Variants in PHF23 observed in about 807,000 individuals in gnomAD.
The protein encoded by PHF23 is PDH-containing protein JUNE-1.
A neutral mutation model predicts 36.0 loss-of-function variants in PHF23; 3 were observed. The observed-to-expected ratio is 0.08, with a 90% CI of 0.04 to 0.22. The LOEUF is 0.22. Among genes scored for constraint, PHF23 ranks in the 10% least tolerant of loss-of-function variants. PHF23 has a pLI of 1.00. For synonymous variants in PHF23, 242 were observed against 192.5 expected (o/e 1.26, Z -2.13); for missense variants, 475 against 513.6 (o/e 0.92, Z 0.73).
chr17:7,237,308 A>G, intron 3 of PHF23, 77 bp downstream of exon 3: 1 of 1,274,444 alleles, frequency 7.8e-7, no homozygotes, highest in Non-Finnish European at 1.1e-6. Flanking sequence ...CTATAAAGCA[A>G]TACAGTTCTG....
At position 7,236,856 on chromosome 17, in the gene PHF23, T is replaced by A; in HGVS notation, c.160-89A>T. 6.7e-7 allele frequency: 1 copy of A among 1,499,768 alleles called. No homozygotes were observed. The allele number at this position is 1,499,768 out of a possible 1,614,324, so 92.9% of individuals were successfully genotyped here. ...CCAGCTTGAAAAGGAGTGACTGGAT[T>A]TACCCCAAAATGTCCTACCTCAACC... On this transcript the variant is annotated intron_variant, in intron 3 of 4. Coordinates refer to ENST00000320316, the MANE Select transcript of PHF23 (RefSeq NM_024297.3). The surrounding 1 kb of genome is among the most constrained non-coding windows in gnomAD (Gnocchi z 5.1).
chr17:7,235,743 G>A lies in PHF23; in HGVS notation c.1095C>T (p.Leu365=), dbSNP rs542484278. Residue 365 remains leucine (L), a synonymous_variant, in exon 5 of 5, where the codon CTC becomes CTT. Coordinates refer to ENST00000320316, the MANE Select transcript of PHF23 (RefSeq NM_024297.3). ...TGGTCTTCTTAATCTTAGCACAGGA[G>A]AGGTGGATCCACGTCCCACACAGGC... ...ECSLCGTWIH[L]SCAKIKKTNV... The A allele has an allele frequency of 1.1e-5, 17 of 1,614,108 alleles. No homozygotes were observed. The East Asian group carries it at 3.6e-4, about 34-fold the overall frequency.
In PHF23 at chr17:7,239,385, C is replaced by A; in HGVS notation, c.-106G>T. On this transcript the variant is annotated 5_prime_UTR_variant, in exon 1 of 5. Coordinates refer to ENST00000320316, the MANE Select transcript of PHF23 (RefSeq NM_024297.3). The stretch of plus-strand genomic sequence containing the variant: ...CCACTGCTTCGCTCCACAGAAGTGT[C>A]CGCCTCAGCCCGGTTGAGACTCGAG... 1.7e-6 allele frequency: 1 copy of A among 587,600 alleles called. No individual in the cohort carries two copies. Among genetic ancestry groups the A allele is most frequent in the Non-Finnish European group, 3.1e-6 (1 of 326,016 alleles). 36.4% of individuals were successfully genotyped at this position (587,600 alleles called of 1,614,324 possible).
chr17:7,235,756 G>A lies in PHF23; in HGVS notation c.1082C>T (p.Thr361Met), dbSNP rs1194327212. The A allele has an allele frequency of 3.1e-6, 5 of 1,613,982 alleles. No individual in the cohort carries two copies. Among genetic ancestry groups the A allele is most frequent in the Non-Finnish European group, 4.2e-6 (5 of 1,180,040 alleles). The part of the protein sequence containing the change: ...RPMIECSLCG[T>M]WIHLSCAKIK... Reference sequence around the variant, plus strand: ...CTTAGCACAGGAGAGGTGGATCCACGTCCCACACAGGCTGCACTCAATCAT... The same window carrying A: ...CTTAGCACAGGAGAGGTGGATCCACATCCCACACAGGCTGCACTCAATCAT... The change falls in exon 5 of 5, where the codon ACG becomes ATG. Residue 361 changes from threonine to methionine, a missense_variant. Physicochemically the swap from Thr to Met is moderately conservative, Grantham distance 81. Coordinates refer to ENST00000320316, the MANE Select transcript of PHF23 (RefSeq NM_024297.3).
chr17:7,239,466 G>A, upstream of PHF23: 2 of 411,164 alleles, frequency 4.9e-6, no homozygotes, highest in South Asian at 3.1e-5. Flanking sequence ...CTCCCGGACC[G>A]GGCCCCCTCC....
intron 1 of PHF23, chr17:7,238,285 G>GCCC (rs72082691): frequency 3.7e-4 from 13 of 34,672 alleles, no homozygotes; most frequent in Non-Finnish European, 4.2e-4. Flanking sequence ...GCCCCCACCT[G>GCCC]CCCCCCCCCC....
chr17:7,238,608 AC>A (rs1338227360), intron 1 of PHF23: 57 of 376,518 alleles, frequency 1.5e-4, no homozygotes, highest in East Asian at 4.5e-4. Context: ...GACCAACCCT[AC>A]CCCCCCGCCC....
At chr17:7,238,964 A>C (rs1391327191) in intron 1 of PHF23, 1 of 1,484,370 alleles carries the variant, frequency 6.7e-7, no homozygotes, top group African/African-American at 1.4e-5. Flanking sequence ...CAGGGCCCCA[A>C]TCTGCCGGTG....
In PHF23 at chr17:7,235,835, C is replaced by A; in HGVS notation, c.1003G>T (p.Asp335Tyr). ...DEDIMVESGDDSWDLITCYCR... is the reference protein window; with the variant it reads ...DEDIMVESGDYSWDLITCYCR... ...TAACATGTGATCAGATCCCATGAGT[C>A]ATCACCTGGGGAAAAAAAGGTTTGT... The change falls in exon 5 of 5, where the codon GAC (aspartate) becomes TAC (tyrosine). Residue 335 changes from aspartate (D) to tyrosine (Y), a missense_variant. Physicochemically the swap from Asp to Tyr is radical, Grantham distance 160. Coordinates refer to ENST00000320316, the MANE Select transcript of PHF23 (RefSeq NM_024297.3). 1 of 1,613,976 alleles carries A rather than the reference C, an allele frequency of 6.2e-7. No homozygotes were observed. The highest frequency in any genetic ancestry group is 1.1e-5 in the South Asian group (1 of 91,034).
Position 7,236,335 on chromosome 17 carries a change from C to T in PHF23, c.592G>A (p.Val198Met), listed in dbSNP as rs1597562535. ...GGAGTTGGCCGAGGCCTCCGAAGCA[C>T]CCCAAAGCCAGCCCCAGCTCCTGGC... ...LGPGAGAGFG[V>M]LRRPRPTPGD... is the part of the protein sequence containing the mutation. Residue 198 changes from valine to methionine, a missense_variant, in exon 4 of 5, where the codon GTG becomes ATG. Around this residue, in one of 5 missense-constraint regions of PHF23, gnomAD observed 350 missense variants for 319.8 expected, o/e 1.09. Transcript: ENST00000320316. The surrounding 1 kb of genome is among the most constrained non-coding windows in gnomAD (Gnocchi z 5.1). 1 of 1,614,182 alleles carries T rather than the reference C, an allele frequency of 6.2e-7. No individual in the cohort carries two copies. The highest frequency in any genetic ancestry group is 2.2e-5 in the East Asian group (1 of 44,884).
intron 1 of PHF23, chr17:7,238,885 C>G: frequency 1.1e-5 from 17 of 1,533,848 alleles, no homozygotes; most frequent in Non-Finnish European, 1.5e-5. Context: ...GGGCCCCTCA[C>G]TCAGCCTCTT....
chr17:7,239,542 T>A, upstream of PHF23: 1 of 355,964 alleles, frequency 2.8e-6, no homozygotes, highest in Middle Eastern at 8.3e-4. Flanking sequence ...CCCTCCCTCC[T>A]CTTCTCTCCC....
chr17:7,239,785 CAAGA>C (rs2071755754), upstream of PHF23: 1 of 152,696 alleles, frequency 6.5e-6, no homozygotes, highest in African/African-American at 2.4e-5. Flanking sequence ...TGGGCGGGAC[CAAGA>C]AAGAAGAGGA....
Position 7,235,577 on chromosome 17 carries a change from T to C in PHF23, c.*49A>G. ...ATAGGCTGAGGACCCTGAGGCTCAG[T>C]TCCCAAATCATGTTGTCATTTGGAA... On this transcript the variant is annotated 3_prime_UTR_variant, in exon 5 of 5. Coordinates refer to ENST00000320316, the MANE Select transcript of PHF23 (RefSeq NM_024297.3). The C allele has an allele frequency of 6.3e-7, 1 of 1,587,798 alleles. No homozygotes were observed. The highest frequency in any genetic ancestry group is 1.1e-5 in the South Asian group (1 of 90,174).
chr17:7,238,759 C>T, intron 1 of PHF23: 1 of 1,532,664 alleles, frequency 6.5e-7, no homozygotes, highest in Non-Finnish European at 8.7e-7. Context: ...CCCAGACCCC[C>T]TCTTCTCCCC....
At chr17:7,238,897 T>C (rs2071738418) in intron 1 of PHF23, 3 of 1,532,244 alleles carry the variant, frequency 2.0e-6, no homozygotes, top group Non-Finnish European at 2.6e-6. Flanking sequence ...CAGCCTCTTC[T>C]ACGTCCTCCC....
Position 7,237,369 on chromosome 17 carries a change from A to AGGG in PHF23, c.159+15_159+16insCCC. The AGGG allele has an allele frequency of 1.2e-6, 2 of 1,600,592 alleles. No individual in the cohort carries two copies. The highest frequency in any genetic ancestry group is 1.7e-6 in the Non-Finnish European group (2 of 1,168,134). Reference sequence around the variant, plus strand: ...CCACCACACCAGCCTCAAGTCAGTAATTCTCTTGCCCCTACCTCTTTGCTA... The same window carrying AGGG: ...CCACCACACCAGCCTCAAGTCAGTAAGGGTTCTCTTGCCCCTACCTCTTTGCTA... On this transcript the variant is annotated intron_variant, in intron 3 of 4. Transcript: ENST00000320316.
In PHF23 at chr17:7,235,997, T is replaced by C; in HGVS notation, c.930A>G (p.Gln310=). 1 of 1,613,798 alleles carries C rather than the reference T, an allele frequency of 6.2e-7. No homozygotes were observed. Among genetic ancestry groups the C allele is most frequent in the Non-Finnish European group, 8.5e-7 (1 of 1,179,788 alleles). ...CTTCACTGGAGCTGGCATCTCCATC[T>C]TGGCTTGTTTCAGTGCTGCCCACCT... The part of the protein sequence containing the change: ...SKEVGSTETS[Q]DGDASSSEGE... Residue 310 remains glutamine (Q), a synonymous_variant, in exon 4 of 5, where the codon CAA becomes CAG. Transcript: ENST00000320316.
At chr17:7,239,522 C>G, upstream of PHF23, 1 of 408,134 alleles carries the variant, frequency 2.5e-6, no homozygotes, top group East Asian at 4.7e-5. Context: ...TCCTCCACCT[C>G]CTCTCTCCTC....
Sources: gnomAD v4.1 joint callset for allele counts on GRCh38, gnomAD v4.1.1 for gene constraint, gnomAD v4.1.1 regional missense constraint, Gnocchi (gnomAD v3.1) non-coding constraint, MANE v1.5 for transcripts, NCBI Gene and HGNC (gene_info 2026-07-23, HGNC 2026-07-21) for gene names.